SPOCK3: variants seen among roughly 807,000 people sequenced by gnomAD.
The protein encoded by SPOCK3 is testican-3.
Under a neutral mutation model 56.6 loss-of-function variants are expected in SPOCK3, and 30 were observed. The ratio of observed to expected loss-of-function variants is 0.53; its 90% CI spans 0.40 to 0.72. The LOEUF (loss-of-function observed/expected upper bound fraction) is 0.72. SPOCK3 is among the 30% of genes least tolerant of loss of function. The pLI, the probability that SPOCK3 is intolerant of heterozygous loss-of-function variation, is 0.00. For synonymous variants in SPOCK3, 196 were observed against 183.3 expected (o/e 1.07, Z -0.56); for missense variants, 527 against 530.0 (o/e 0.99, Z 0.06).
intron 5 of SPOCK3, among the ~76,000 whole-genome samples, chr4:166,905,459 C>T (rs1396916348): frequency 6.6e-6 from 1 of 151,946 alleles, no homozygotes; most frequent in Non-Finnish European, 1.5e-5. Flanking sequence ...ATTATATGTT[C>T]TATTCTGTGA....
At chr4:167,008,136 C>G (rs1749647684) in intron 3 of SPOCK3, among the ~76,000 whole-genome samples, 1 of 151,650 alleles carries the variant, frequency 6.6e-6, no homozygotes, top group Non-Finnish European at 1.5e-5. Flanking sequence ...AGTAGCAGTC[C>G]ATTAGTATTA....
chr4:167,150,937 A>G (rs1220738670), intron 2 of SPOCK3, among the ~76,000 whole-genome samples: 1 of 152,166 alleles, frequency 6.6e-6, no homozygotes, highest in African/African-American at 2.4e-5. Flanking sequence ...TATTTTAAAA[A>G]TATTTATGAT....
chr4:166,874,335 A>G (rs1455292981), intron 6 of SPOCK3, among the ~76,000 whole-genome samples: 2 of 152,110 alleles, frequency 1.3e-5, no homozygotes, highest in Non-Finnish European at 2.9e-5. Flanking sequence ...TCTGATTTCA[A>G]AGTCTCCTGT....
At chr4:166,862,304 T>C (rs752102481) in intron 6 of SPOCK3, among the ~76,000 whole-genome samples, 24 of 150,690 alleles carry the variant, frequency 1.6e-4, no homozygotes, top group Non-Finnish European at 3.2e-4. Context: ...AAGTTAGGAG[T>C]CTTGGAAAGA....
intron 3 of SPOCK3, among the ~76,000 whole-genome samples, chr4:167,036,603 T>C (rs1406249094): frequency 6.6e-6 from 1 of 152,204 alleles, no homozygotes; most frequent in Non-Finnish European, 1.5e-5. Context: ...TGGTGTATTT[T>C]GACATTTAAA....
At chr4:167,156,559 A>G (rs577339610) in intron 2 of SPOCK3, among the ~76,000 whole-genome samples, 3 of 152,210 alleles carry the variant, frequency 2.0e-5, no homozygotes, top group Non-Finnish European at 4.4e-5. Flanking sequence ...GACAAAAACT[A>G]CAAGACATAA....
chr4:167,117,323 G>GTCACAAA (rs1269546910), intron 2 of SPOCK3, among the ~76,000 whole-genome samples: 7 of 152,088 alleles, frequency 4.6e-5, no homozygotes, highest in Admixed American at 2.6e-4. Context: ...AAGAGCCCTA[G>GTCACAAA]TCACAAAATG....
intron 2 of SPOCK3, among the ~76,000 whole-genome samples, chr4:167,170,166 T>C (rs1018047706): frequency 3.9e-5 from 6 of 152,214 alleles, no homozygotes; most frequent in African/African-American, 1.4e-4. Flanking sequence ...TCATTTCTTA[T>C]GTTTATGACC....
chr4:166,750,675 T>A (rs1458706231), intron 8 of SPOCK3, among the ~76,000 whole-genome samples: 2 of 152,158 alleles, frequency 1.3e-5, no homozygotes, highest in Non-Finnish European at 2.9e-5. Flanking sequence ...TATTAGGAAT[T>A]GGTAATTTTC....
intron 8 of SPOCK3, among the ~76,000 whole-genome samples, chr4:166,744,280 A>T (rs996408406): frequency 6.6e-6 from 1 of 152,186 alleles, no homozygotes; most frequent in Non-Finnish European, 1.5e-5. Flanking sequence ...TCAGGCAGCA[A>T]CATTTGCTGT....
intron 2 of SPOCK3, among the ~76,000 whole-genome samples, chr4:167,148,859 T>C (rs1309804166): frequency 6.6e-6 from 1 of 152,132 alleles, no homozygotes; most frequent in East Asian, 1.9e-4. Context: ...ACAAGGTGAA[T>C]ACATTTGTTC....
At chr4:167,176,903 A>T in intron 2 of SPOCK3, among the ~76,000 whole-genome samples, 1 of 152,156 alleles carries the variant, frequency 6.6e-6, no homozygotes, top group Non-Finnish European at 1.5e-5. Context: ...ATGAGATCAC[A>T]GCAGTACTAA....
At chr4:167,195,881 G>T (rs906377402) in intron 2 of SPOCK3, among the ~76,000 whole-genome samples, 4 of 152,140 alleles carry the variant, frequency 2.6e-5, no homozygotes, top group African/African-American at 7.2e-5. Flanking sequence ...TTTTACAAAG[G>T]TACTTTTATT....
chr4:167,116,438 A>C (rs1020342485), intron 2 of SPOCK3, among the ~76,000 whole-genome samples: 1 of 144,578 alleles, frequency 6.9e-6, no homozygotes, highest in Admixed American at 7.1e-5. Context: ...CTTTTGTAAT[A>C]TATATATACA....
chr4:166,868,644 C>T (rs1009561689), intron 6 of SPOCK3, among the ~76,000 whole-genome samples: 1 of 152,066 alleles, frequency 6.6e-6, no homozygotes, highest in African/African-American at 2.4e-5. Context: ...CTCTGAGAAA[C>T]AGTAATCTAG....
At chr4:167,209,649 T>C (rs186765609) in intron 2 of SPOCK3, among the ~76,000 whole-genome samples, 1 of 152,250 alleles carries the variant, frequency 6.6e-6, no homozygotes, top group East Asian at 1.9e-4. Flanking sequence ...AAAATGTGGA[T>C]GGATGCACCA....
intron 6 of SPOCK3, among the ~76,000 whole-genome samples, chr4:166,879,522 T>C (rs1199823378): frequency 3.3e-5 from 5 of 152,132 alleles, no homozygotes; most frequent in Non-Finnish European, 5.9e-5. Context: ...AAGTGTAAGA[T>C]TTAAAAAATA....
At chr4:166,950,536 A>C (rs1275895120) in intron 4 of SPOCK3, among the ~76,000 whole-genome samples, 1 of 152,054 alleles carries the variant, frequency 6.6e-6, no homozygotes, top group Non-Finnish European at 1.5e-5. Flanking sequence ...TGAGACAGAA[A>C]GTTAACAAGA....
chr4:166,735,654 C>A (rs545824355), intron 10 of SPOCK3, among the ~76,000 whole-genome samples: 22 of 151,934 alleles, frequency 1.4e-4, no homozygotes, highest in African/African-American at 5.1e-4. Context: ...GAAGAATGAT[C>A]AGAGATGCAG....
Sources: gnomAD v4.1 joint callset for allele counts (sites outside exome capture counted in the v4.1 genomes callset) on GRCh38, gnomAD v4.1.1 for gene constraint, MANE v1.5 for transcripts, NCBI Gene and HGNC (gene_info 2026-07-23, HGNC 2026-07-21) for gene names.